The following LUZP2 variants were observed in gnomAD, a reference collection of about 807,000 sequenced individuals.
LUZP2 encodes the protein leucine zipper protein 2.
LUZP2 carries 52 observed loss-of-function variants against 51.6 expected under a neutral mutation model. The ratio of observed to expected loss-of-function variants is 1.01; its 90% CI spans 0.81 to 1.27. The LOEUF (loss-of-function observed/expected upper bound fraction) is 1.27, where lower values mean the gene tolerates loss of function less well. Among genes scored for constraint, LUZP2 ranks in the 50% most tolerant of loss-of-function variants. LUZP2 has a pLI of 0.00. For synonymous variants in LUZP2, 154 were observed against 137.3 expected (o/e 1.12, Z -0.85); for missense variants, 436 against 395.4 (o/e 1.10, Z -0.87).
At chr11:25,013,403 A>G (rs1489217009) in intron 9 of LUZP2, among the ~76,000 whole-genome samples, 1 of 152,182 alleles carries the variant, frequency 6.6e-6, no homozygotes, top group African/African-American at 2.4e-5. Flanking sequence ...TTTAAATTTC[A>G]CATGTACCTT....
intron 7 of LUZP2, among the ~76,000 whole-genome samples, chr11:24,941,831 TA>T (rs1431118121): frequency 3.3e-5 from 5 of 152,114 alleles, no homozygotes; most frequent in African/African-American, 1.2e-4. Context: ...GAGTTTTGAT[TA>T]ATATATATAA....
rs572670378 is a variant in LUZP2, at chr11:24,877,399, C to A, written c.397-28592C>A. Among the ~76,000 whole-genome samples, 207 of 147,704 alleles carry A rather than the reference C, an allele frequency of 1.4e-3. 2 individuals carry two copies. Among genetic ancestry groups the A allele is most frequent in the South Asian group, 0.013 (57 of 4,554 alleles). On this transcript the variant is annotated intron_variant, in intron 5 of 11. Coordinates refer to ENST00000336930, the MANE Select transcript of LUZP2 (RefSeq NM_001009909.4). ...GTTGGATAAGAAAAAAATCAACCTCCAACTCTAAGCTTTAAGACTCTCTTA... is the reference window on the plus strand; with the variant it reads ...GTTGGATAAGAAAAAAATCAACCTCAAACTCTAAGCTTTAAGACTCTCTTA...
At chr11:24,744,639 A>G (rs1448565344) in intron 4 of LUZP2, among the ~76,000 whole-genome samples, 1 of 151,688 alleles carries the variant, frequency 6.6e-6, no homozygotes, top group African/African-American at 2.4e-5. Flanking sequence ...TATCAATTTT[A>G]TTTATCTTTT....
At chr11:24,525,071 T>C (rs1302675435) in intron 1 of LUZP2, among the ~76,000 whole-genome samples, 2 of 151,716 alleles carry the variant, frequency 1.3e-5, no homozygotes, top group Non-Finnish European at 3.0e-5. Context: ...GATTCTCCAA[T>C]TTTTCAGATA....
chr11:24,616,363 C>T (rs1011649851), intron 1 of LUZP2, among the ~76,000 whole-genome samples: 10 of 151,944 alleles, frequency 6.6e-5, no homozygotes, highest in African/African-American at 2.2e-4. Flanking sequence ...ACACTTAACG[C>T]TGTGACCCAT....
chr11:24,603,783 T>C (rs1853822653), intron 1 of LUZP2, among the ~76,000 whole-genome samples: 1 of 151,738 alleles, frequency 6.6e-6, no homozygotes, highest in Non-Finnish European at 1.5e-5. Context: ...TATGTTCTTG[T>C]CCAGCTTACA....
At chr11:24,812,741 C>G (rs1275647225) in intron 5 of LUZP2, among the ~76,000 whole-genome samples, 1 of 151,998 alleles carries the variant, frequency 6.6e-6, no homozygotes, top group Non-Finnish European at 1.5e-5. Context: ...ATTTTTTGGA[C>G]TGCAAAAGAG....
chr11:24,772,338 G>A (rs1349052973), intron 5 of LUZP2, among the ~76,000 whole-genome samples: 2 of 152,164 alleles, frequency 1.3e-5, no homozygotes, highest in African/African-American at 2.4e-5. Context: ...AAGTGAAGAT[G>A]ATGGGATATT....
chr11:25,029,403 A>G (rs181279228), intron 9 of LUZP2, among the ~76,000 whole-genome samples: 20 of 152,250 alleles, frequency 1.3e-4, no homozygotes, highest in Admixed American at 9.8e-4. Flanking sequence ...GAAATAAAAA[A>G]CAATACTTCA....
chr11:25,057,594 T>C (rs1416191990), intron 10 of LUZP2, among the ~76,000 whole-genome samples: 1 of 152,200 alleles, frequency 6.6e-6, no homozygotes, highest in Non-Finnish European at 1.5e-5. Context: ...ATTAAAGACA[T>C]TGAACATTGT....
chr11:24,876,908 G>T (rs972134896), intron 5 of LUZP2, among the ~76,000 whole-genome samples: 4 of 152,058 alleles, frequency 2.6e-5, no homozygotes, highest in South Asian at 2.1e-4. Flanking sequence ...AGGTAGCAAC[G>T]CATCAAATGA....
chr11:24,567,921 A>C (rs576948797), intron 1 of LUZP2, among the ~76,000 whole-genome samples: 7 of 152,228 alleles, frequency 4.6e-5, no homozygotes, highest in African/African-American at 1.7e-4. Context: ...TAAGAAGGTA[A>C]ATATAAAAGA....
intron 5 of LUZP2, among the ~76,000 whole-genome samples, chr11:24,895,796 A>T (rs2133767331): frequency 6.6e-6 from 1 of 152,336 alleles, no homozygotes; most frequent in East Asian, 1.9e-4. Flanking sequence ...GGCAATGAAC[A>T]TGTGAGTGCA....
At chr11:24,624,445 CTAT>C (rs1258902331) in intron 1 of LUZP2, among the ~76,000 whole-genome samples, 79 of 151,974 alleles carry the variant, frequency 5.2e-4, no homozygotes, top group African/African-American at 1.9e-3. Flanking sequence ...TTGTTTATGT[CTAT>C]TATTTCAAGA....
chr11:24,698,748 C>T (rs915488969), intron 1 of LUZP2, among the ~76,000 whole-genome samples: 6 of 152,114 alleles, frequency 3.9e-5, no homozygotes, highest in African/African-American at 9.7e-5. Flanking sequence ...TCATCCTCAA[C>T]ATCATCTCAT....
At chr11:25,031,268 CCAAAGTGCTGGTATTACAGG>C (rs1328412353) in intron 9 of LUZP2, among the ~76,000 whole-genome samples, 4 of 151,526 alleles carry the variant, frequency 2.6e-5, no homozygotes, top group African/African-American at 9.7e-5. Flanking sequence ...CCTCGGCATC[CCAAAGTGCTGGTATTACAGG>C]CGTGAGCCAC....
intron 5 of LUZP2, among the ~76,000 whole-genome samples, chr11:24,792,121 C>A (rs923419170): frequency 6.6e-6 from 1 of 151,934 alleles, no homozygotes; most frequent in Non-Finnish European, 1.5e-5. Flanking sequence ...TCTTGCATTT[C>A]TATTTTCAAA....
intron 7 of LUZP2, among the ~76,000 whole-genome samples, chr11:24,962,079 A>C (rs1186280305): frequency 6.6e-6 from 1 of 150,750 alleles, no homozygotes; most frequent in Non-Finnish European, 1.5e-5. Flanking sequence ...ATTGGCCCCC[A>C]CTCTCTTCTG....
At chr11:24,842,702 A>G (rs1273930643) in intron 5 of LUZP2, among the ~76,000 whole-genome samples, 2 of 152,122 alleles carry the variant, frequency 1.3e-5, no homozygotes, top group African/African-American at 4.8e-5. Context: ...TAATAATAAA[A>G]ATTTTAATTA....
Sources: allele counts gnomAD v4.1 joint callset (sites outside exome capture counted in the v4.1 genomes callset), GRCh38; gene constraint gnomAD v4.1.1; transcripts MANE v1.5; gene names NCBI Gene and HGNC (gene_info 2026-07-23, HGNC 2026-07-21).